MEIS1: variants seen among roughly 807,000 people sequenced by gnomAD.
The protein encoded by MEIS1 is homeobox protein Meis1.
Under a neutral mutation model 50.8 loss-of-function variants are expected in MEIS1, and 5 were observed. The ratio of observed to expected loss-of-function variants is 0.10; its 90% CI spans 0.05 to 0.21. The LOEUF is 0.21. MEIS1 is among the 10% of genes least tolerant of loss of function. The pLI is 1.00. For missense variants in MEIS1, 318 were observed against 517.3 expected, an observed-to-expected ratio of 0.61 and a Z score of 3.74; for synonymous variants, 176 against 179.3, an observed-to-expected ratio of 0.98 and a Z score of 0.15.
At chr2:66,549,284 A>G (rs1674861659) in intron 9 of MEIS1, among the ~76,000 whole-genome samples, 1 of 152,142 alleles carries the variant, frequency 6.6e-6, no homozygotes. Context: ...ATCAATTTCT[A>G]TGACCTTACT....
At chr2:66,461,825 A>G (rs1254634533) in intron 6 of MEIS1, 3 of 469,126 alleles carry the variant, frequency 6.4e-6, no homozygotes, top group African/African-American at 6.0e-5. Flanking sequence ...CAGAATTTCC[A>G]GCAAGGAAAA....
At chr2:66,464,483 G>A (rs989817099) in intron 7 of MEIS1, among the ~76,000 whole-genome samples, 1 of 152,186 alleles carries the variant, frequency 6.6e-6, no homozygotes, top group African/African-American at 2.4e-5. Flanking sequence ...TTAGAAGTTT[G>A]AATGTGAATA....
intron 7 of MEIS1, chr2:66,496,002 A>T (rs76563747): frequency 6.6e-6 from 1 of 152,272 alleles, no homozygotes; most frequent in Non-Finnish European, 1.5e-5. Flanking sequence ...TTGGGAAGAG[A>T]TGATCATCCC....
chr2:66,439,595 C>T (rs1490379535), intron 2 of MEIS1: 1 of 1,531,390 alleles, frequency 6.5e-7, no homozygotes, highest in African/African-American at 1.4e-5. Flanking sequence ...TTTCTCCGGC[C>T]AGATACGCTA....
At chr2:66,525,673 C>T (rs550035278) in intron 8 of MEIS1, among the ~76,000 whole-genome samples, 1 of 152,380 alleles carries the variant, frequency 6.6e-6, no homozygotes, top group African/African-American at 2.4e-5. Context: ...CAGGGCTCTG[C>T]AGAAAGACAG....
intron 7 of MEIS1, among the ~76,000 whole-genome samples, chr2:66,489,817 C>G (rs1673231089): frequency 6.6e-6 from 1 of 152,148 alleles, no homozygotes; most frequent in African/African-American, 2.4e-5. Flanking sequence ...TAAAACAATT[C>G]TCAAATGCAG....
At chr2:66,476,636 G>A (rs947975556) in intron 7 of MEIS1, among the ~76,000 whole-genome samples, 4 of 152,154 alleles carry the variant, frequency 2.6e-5, no homozygotes, top group African/African-American at 9.7e-5. Flanking sequence ...TGGCACAGGG[G>A]CAGCACCTGC....
chr2:66,550,582 C>T (rs1233389204), intron 9 of MEIS1, among the ~76,000 whole-genome samples: 1 of 152,068 alleles, frequency 6.6e-6, no homozygotes, highest in African/African-American at 2.4e-5. Flanking sequence ...ACTGCAACCT[C>T]CAACTCCTAG....
At chr2:66,484,779 C>T (rs1558535325) in intron 7 of MEIS1, among the ~76,000 whole-genome samples, 1 of 152,002 alleles carries the variant, frequency 6.6e-6, no homozygotes, top group African/African-American at 2.4e-5. Context: ...AGGCTGGTCT[C>T]GAACTCCTGA....
intron 9 of MEIS1, among the ~76,000 whole-genome samples, chr2:66,565,328 A>C (rs1309527474): frequency 3.3e-5 from 5 of 152,180 alleles, no homozygotes. Context: ...CTATACACAC[A>C]AACAGTGCAG....
intron 7 of MEIS1, among the ~76,000 whole-genome samples, chr2:66,488,363 G>A (rs941962204): frequency 1.3e-5 from 2 of 152,152 alleles, no homozygotes; most frequent in Admixed American, 6.5e-5. Flanking sequence ...ATACTTCTGA[G>A]AATAATATGA....
chr2:66,516,868 C>G (rs560269314), intron 8 of MEIS1, among the ~76,000 whole-genome samples: 1 of 152,254 alleles, frequency 6.6e-6, no homozygotes, highest in African/African-American at 2.4e-5. Flanking sequence ...ATCTTAGTGT[C>G]GTATCCCTCC....
chr2:66,507,017 A>T (rs1017998780), intron 7 of MEIS1, among the ~76,000 whole-genome samples: 2 of 152,202 alleles, frequency 1.3e-5, no homozygotes, highest in Non-Finnish European at 2.9e-5. Flanking sequence ...CCTCATGTAG[A>T]TACTCTATGG....
At chr2:66,537,076 T>A (rs1479853202) in intron 8 of MEIS1, among the ~76,000 whole-genome samples, 1 of 152,176 alleles carries the variant, frequency 6.6e-6, no homozygotes, top group African/African-American at 2.4e-5. Flanking sequence ...TGGCTGAGGG[T>A]GCTGCTTGAG....
intron 9 of MEIS1, among the ~76,000 whole-genome samples, chr2:66,558,274 C>A (rs2103954357): frequency 1.7e-5 from 1 of 59,776 alleles, no homozygotes. Flanking sequence ...AGTGAAACTC[C>A]ATCTCAAAAA....
At chr2:66,552,238 T>C in intron 9 of MEIS1, among the ~76,000 whole-genome samples, 1 of 152,174 alleles carries the variant, frequency 6.6e-6, no homozygotes, top group East Asian at 1.9e-4. Context: ...ACTGGATGCC[T>C]CAGTTGCCTC....
In MEIS1 at chr2:66,473,732, C is replaced by CT. The variant is rs538510295; in HGVS notation, c.742+9514dup. Among the ~76,000 whole-genome samples, 235 of 152,124 alleles carry CT rather than the reference C, an allele frequency of 1.5e-3. 2 individuals carry two copies. The Middle Eastern group carries it at 0.02, about 13-fold the overall frequency. Reference sequence around the variant, plus strand: ...CCCTGAATTCTAACCATGGATCTCCCTTGAGGAGGTGTCTATATAGCCCAG... The same window carrying CT: ...CCCTGAATTCTAACCATGGATCTCCCTTTGAGGAGGTGTCTATATAGCCCAG... On this transcript the variant is annotated intron_variant, in intron 7 of 12. Coordinates refer to ENST00000272369, the MANE Select transcript of MEIS1 (RefSeq NM_002398.3).
chr2:66,559,302 T>C (rs1306676955), intron 9 of MEIS1, among the ~76,000 whole-genome samples: 1 of 152,230 alleles, frequency 6.6e-6, no homozygotes, highest in African/African-American at 2.4e-5. Flanking sequence ...TGACCATGCA[T>C]CCCACTTTCC....
chr2:66,444,813 T>TC (rs1454324368), intron 6 of MEIS1, among the ~76,000 whole-genome samples: 4 of 152,124 alleles, frequency 2.6e-5, no homozygotes, highest in African/African-American at 9.7e-5. Flanking sequence ...TTCTAAAAGC[T>TC]CCGGAGTGCT....
Sources: gnomAD v4.1 joint callset for allele counts (sites outside exome capture counted in the v4.1 genomes callset) on GRCh38, gnomAD v4.1.1 for gene constraint, MANE v1.5 for transcripts, NCBI Gene and HGNC (gene_info 2026-07-23, HGNC 2026-07-21) for gene names.